SLCO1B1: variants seen among roughly 807,000 people sequenced by gnomAD.
SLCO1B1 encodes the protein solute carrier organic anion transporter family member 1B1.
SLCO1B1 carries 81 observed loss-of-function variants against 70.1 expected under a neutral mutation model. The ratio of observed to expected loss-of-function variants is 1.16; its 90% confidence interval spans 0.97 to 1.39. The LOEUF (loss-of-function observed/expected upper bound fraction) is 1.39. Among genes scored for constraint, SLCO1B1 ranks in the 40% most tolerant of loss-of-function variants. The pLI is 0.00. For synonymous variants in SLCO1B1, 283 were observed against 271.5 expected (o/e 1.04, Z -0.42); for missense variants, 895 against 799.6 (o/e 1.12, Z -1.44).
At chr12:21,186,767 A>G (rs1940967212) in intron 7 of SLCO1B1, among the ~76,000 whole-genome samples, 1 of 152,118 alleles carries the variant, frequency 6.6e-6, no homozygotes, top group Admixed American at 6.6e-5. Flanking sequence ...GTCTTATCTC[A>G]TATTGAAAAT....
intron 1 of SLCO1B1, among the ~76,000 whole-genome samples, chr12:21,139,948 A>G (rs1389782755): frequency 6.6e-6 from 1 of 152,136 alleles, no homozygotes; most frequent in Non-Finnish European, 1.5e-5. Context: ...GAAAAGATAC[A>G]TATGCTGTAT....
At chr12:21,178,239 T>C (rs978607666) in intron 5 of SLCO1B1, among the ~76,000 whole-genome samples, 1 of 152,058 alleles carries the variant, frequency 6.6e-6, no homozygotes, top group Non-Finnish European at 1.5e-5. Flanking sequence ...AAATGAGAGT[T>C]CCCCTGCAAA....
intron 1 of SLCO1B1, among the ~76,000 whole-genome samples, chr12:21,136,805 T>C (rs1445104792): frequency 6.6e-6 from 1 of 152,218 alleles, no homozygotes; most frequent in African/African-American, 2.4e-5. Flanking sequence ...AGTAGTTTGA[T>C]CATCTGAAGC....
Position 21,178,707 on chromosome 12 carries a change from T to G in SLCO1B1, c.613T>G (p.Ser205Ala). ...TGATGATTTCGCTAAAGAAGGACAT[T>G]CTTCTTTGTATTTAGGTAATGTACA... ...YIDDFAKEGH[S>A]SLYLGILNAI... Residue 205 changes from serine (S) to alanine (A), a missense_variant, in exon 6 of 15, where the codon TCT becomes GCT. Physicochemically the swap from Ser to Ala is moderately conservative, Grantham distance 99. Transcript: ENST00000256958. 6.2e-7 allele frequency: 1 copy of G among 1,602,628 alleles called. No individual in the cohort carries two copies. Among genetic ancestry groups the G allele is most frequent in the Non-Finnish European group, 8.6e-7 (1 of 1,169,572 alleles).
chr12:21,181,150 T>C (rs1940892827), intron 7 of SLCO1B1, among the ~76,000 whole-genome samples: 1 of 152,222 alleles, frequency 6.6e-6, no homozygotes, highest in African/African-American at 2.4e-5. Flanking sequence ...ATTCTTTTAA[T>C]GCACAAATTT....
intron 14 of SLCO1B1, among the ~76,000 whole-genome samples, chr12:21,237,849 G>A (rs1183249413): frequency 6.6e-6 from 1 of 151,930 alleles, no homozygotes; most frequent in Non-Finnish European, 1.5e-5. Context: ...TGAGTAGCTG[G>A]GATAACAGGC....
Position 21,200,506 on chromosome 12 carries a change from A to G in SLCO1B1, c.971-2A>G. The stretch of plus-strand genomic sequence containing the variant: ...ATTTTCTTTATTTTTACAATTTTAC[A>G]GGTTTTTTCCAGTCTTTTAAAAGCA... On this transcript the variant is annotated splice_acceptor_variant, in intron 8 of 14. Coordinates refer to ENST00000256958, the MANE Select transcript of SLCO1B1 (RefSeq NM_006446.5). LOFTEE classifies it high-confidence loss of function. 6.4e-7 allele frequency: 1 copy of G among 1,551,864 alleles called. No individual in the cohort carries two copies. The highest frequency in any genetic ancestry group is 8.7e-7 in the Non-Finnish European group (1 of 1,147,262).
intron 2 of SLCO1B1, among the ~76,000 whole-genome samples, chr12:21,155,171 C>A (rs572460756): frequency 6.6e-6 from 1 of 151,658 alleles, no homozygotes; most frequent in South Asian, 2.1e-4. Context: ...TATTTCTCCT[C>A]TTCAACTTAT....
intron 2 of SLCO1B1, among the ~76,000 whole-genome samples, chr12:21,163,255 T>G (rs1379637309): frequency 1.3e-5 from 2 of 152,144 alleles, no homozygotes; most frequent in Non-Finnish European, 2.9e-5. Context: ...CATTGTTTTC[T>G]TTATATCAAT....
intron 2 of SLCO1B1, among the ~76,000 whole-genome samples, chr12:21,147,717 A>G (rs1263620385): frequency 6.6e-6 from 1 of 152,140 alleles, no homozygotes; most frequent in Non-Finnish European, 1.5e-5. Flanking sequence ...AGTCTTTGCT[A>G]TTGTGAATAG....
chr12:21,184,438 C>T (rs1357517542), intron 7 of SLCO1B1, among the ~76,000 whole-genome samples: 1 of 152,076 alleles, frequency 6.6e-6, no homozygotes, highest in East Asian at 1.9e-4. Flanking sequence ...CCATACAAGC[C>T]AGAAGAGATT....
chr12:21,216,126 TTTA>T (rs1941354845), intron 11 of SLCO1B1, among the ~76,000 whole-genome samples: 1 of 152,148 alleles, frequency 6.6e-6, no homozygotes, highest in South Asian at 2.1e-4. Context: ...TTGCAAAGTT[TTTA>T]TTATTTATTT....
At chr12:21,160,106 T>TAAAAAA (rs56102570) in intron 2 of SLCO1B1, among the ~76,000 whole-genome samples, 3 of 111,994 alleles carry the variant, frequency 2.7e-5, no homozygotes, top group Non-Finnish European at 3.5e-5. Context: ...TTCACAGAAC[T>TAAAAAA]AAAAAAAAAA....
Position 21,172,728 on chromosome 12 carries a change from A to T in SLCO1B1, c.163A>T (p.Ile55Leu). 6.2e-7 allele frequency: 1 copy of T among 1,613,724 alleles called. No individual in the cohort carries two copies. Among genetic ancestry groups the T allele is most frequent in the Non-Finnish European group, 8.5e-7 (1 of 1,179,768 alleles). The stretch of plus-strand genomic sequence containing the variant: ...TATTATGAAAAGTTCCATCATTCAT[A>T]TAGAACGGAGATTTGAGATATCCTC... ...AIIMKSSIIH[I>L]ERRFEISSSL... Residue 55 changes from isoleucine (I) to leucine (L), a missense_variant, in exon 3 of 15, where the codon ATA becomes TTA. Coordinates refer to ENST00000256958, the MANE Select transcript of SLCO1B1 (RefSeq NM_006446.5).
chr12:21,228,018 A>G (rs1408395205), intron 14 of SLCO1B1, among the ~76,000 whole-genome samples: 1 of 152,082 alleles, frequency 6.6e-6, no homozygotes, highest in Admixed American at 6.6e-5. Flanking sequence ...TAATATGCAT[A>G]TATATGCATA....
At chr12:21,188,696 C>T (rs1374868384) in intron 7 of SLCO1B1, among the ~76,000 whole-genome samples, 1 of 152,054 alleles carries the variant, frequency 6.6e-6, no homozygotes, top group Non-Finnish European at 1.5e-5. Flanking sequence ...TGTAATACCT[C>T]CCCCCTCTCT....
intron 1 of SLCO1B1, among the ~76,000 whole-genome samples, chr12:21,134,683 T>C (rs1287054963): frequency 4.6e-5 from 7 of 152,094 alleles, no homozygotes; most frequent in Admixed American, 1.3e-4. Context: ...GGTTATATCC[T>C]CTTTATCATT....
In SLCO1B1 at chr12:21,205,922, C is replaced by A; in HGVS notation, c.1386C>A (p.Asp462Glu). ...TACCACTTTCTTATTGCAACTCAGA[C>A]TGCAATTGTGATGAAAGTCAATGGG... ...RDVPLSYCNS[D>E]CNCDESQWEP... is the part of the protein sequence containing the mutation. The change falls in exon 11 of 15, where the codon GAC becomes GAA. Residue 462 changes from aspartate to glutamate, a missense_variant. Coordinates refer to ENST00000256958, the MANE Select transcript of SLCO1B1 (RefSeq NM_006446.5). The A allele has an allele frequency of 6.2e-7, 1 of 1,610,562 alleles. No individual in the cohort carries two copies. Among genetic ancestry groups the A allele is most frequent in the East Asian group, 2.2e-5 (1 of 44,760 alleles).
chr12:21,227,801 C>A (rs1273435084), intron 14 of SLCO1B1, among the ~76,000 whole-genome samples: 1 of 147,930 alleles, frequency 6.8e-6, no homozygotes, highest in Non-Finnish European at 1.5e-5. Flanking sequence ...ATAAAAAGAC[C>A]CTAAAACTAT....
Sources: allele counts gnomAD v4.1 joint callset (sites outside exome capture counted in the v4.1 genomes callset), GRCh38; gene constraint gnomAD v4.1.1; transcripts MANE v1.5; gene names NCBI Gene and HGNC (gene_info 2026-07-23, HGNC 2026-07-21).